Variants in CNTNAP5 observed in about 807,000 individuals in gnomAD.
CNTNAP5 encodes contactin associated protein family member 5, also known as contactin-associated protein-like 5.
CNTNAP5 carries 72 observed loss-of-function variants against 150.2 expected under a neutral mutation model. That is an observed-to-expected ratio of 0.48 (90% confidence interval 0.40 to 0.58). The LOEUF (loss-of-function observed/expected upper bound fraction) is 0.58, where lower values mean the gene tolerates loss of function less well. Among genes scored for constraint, CNTNAP5 ranks in the 20% least tolerant of loss-of-function variants. The pLI, the probability that CNTNAP5 is intolerant of heterozygous loss-of-function variation, is 0.00. For synonymous variants in CNTNAP5, 672 were observed against 619.8 expected (o/e 1.08, Z -1.25); for missense variants, 1,636 against 1,626.2 (o/e 1.01, Z -0.10).
intron 3 of CNTNAP5, among the ~76,000 whole-genome samples, chr2:124,254,964 C>A (rs966901259): frequency 6.6e-6 from 1 of 152,070 alleles, no homozygotes; most frequent in Non-Finnish European, 1.5e-5. Flanking sequence ...CCCATATAAG[C>A]GAACATTTTG....
At position 124,219,360 on chromosome 2, in the gene CNTNAP5, C is replaced by T. The variant is rs1166457152; in HGVS notation, c.83-2345C>T. ...AAATAGTAGCAGAGTTGTATACATG[C>T]TCAGTGTCTAATAAATACATAACTA... is the stretch of plus-strand genomic sequence containing the variant. On this transcript the variant is annotated intron_variant, in intron 1 of 23. Transcript: ENST00000682447. Among the ~76,000 whole-genome samples, 3 of 152,086 alleles carry T rather than the reference C, an allele frequency of 2.0e-5. No homozygotes were observed. The South Asian group carries it at 6.2e-4, about 31-fold the overall frequency.
Position 124,516,672 on chromosome 2 carries a change from G to A in CNTNAP5, c.1328-7631G>A, listed in dbSNP as rs561703408. Among the ~76,000 whole-genome samples, 64 of 152,254 alleles carry A rather than the reference G, an allele frequency of 4.2e-4. No homozygotes were observed. In the Middle Eastern group the frequency reaches 0.014, roughly 32 times the overall value. ...TTGTGTGTGGCTGTCATGGCCTAGG[G>A]TAGTCACAGCTGACACTTAAGGGCC... On this transcript the variant is annotated intron_variant, in intron 8 of 23. Coordinates refer to ENST00000682447, the MANE Select transcript of CNTNAP5 (RefSeq NM_001367498.1).
At chr2:124,631,576 G>C (rs935232989) in intron 12 of CNTNAP5, among the ~76,000 whole-genome samples, 2 of 152,072 alleles carry the variant, frequency 1.3e-5, no homozygotes, top group African/African-American at 4.8e-5. Context: ...ATCAACTCAA[G>C]ATGGATTAAA....
At chr2:124,390,903 G>A (rs1220023043) in intron 3 of CNTNAP5, among the ~76,000 whole-genome samples, 2 of 152,190 alleles carry the variant, frequency 1.3e-5, no homozygotes, top group African/African-American at 4.8e-5. Flanking sequence ...GACTGGAATT[G>A]AGAAATTTCT....
At chr2:124,859,592 A>G (rs1177603687) in intron 19 of CNTNAP5, among the ~76,000 whole-genome samples, 1 of 152,236 alleles carries the variant, frequency 6.6e-6, no homozygotes, top group African/African-American at 2.4e-5. Flanking sequence ...TCATGCTGCT[A>G]TAAAGACACA....
chr2:124,062,757 G>T (rs564988152), intron 1 of CNTNAP5, among the ~76,000 whole-genome samples: 1 of 152,126 alleles, frequency 6.6e-6, no homozygotes, highest in Non-Finnish European at 1.5e-5. Flanking sequence ...ATCAGTCGAG[G>T]CCGTGAAGCA....
At chr2:124,721,538 AAG>A (rs1322996333) in intron 13 of CNTNAP5, among the ~76,000 whole-genome samples, 1 of 138,340 alleles carries the variant, frequency 7.2e-6, no homozygotes, top group Non-Finnish European at 1.6e-5. Flanking sequence ...AAAAACAAAA[AAG>A]AAAAAAAATT....
chr2:124,033,184 T>A (rs1440971247), intron 1 of CNTNAP5, among the ~76,000 whole-genome samples: 9 of 152,290 alleles, frequency 5.9e-5, no homozygotes, highest in African/African-American at 2.2e-4. Context: ...GTTCACAGGA[T>A]CAGCTGAATT....
At position 124,128,935 on chromosome 2, in the gene CNTNAP5, T is replaced by C. The variant is rs535476078; in HGVS notation, c.83-92770T>C. Among the ~76,000 whole-genome samples, 4 of 152,170 alleles carry C rather than the reference T, an allele frequency of 2.6e-5. No homozygotes were observed. The South Asian group carries it at 8.3e-4, about 32-fold the overall frequency. On this transcript the variant is annotated intron_variant, in intron 1 of 23. Transcript: ENST00000682447. ...ATGGGGTATGGGGAGGGGAGAGGGATAGCACTAGGAGATAAACCTAATGTA... is the reference window on the plus strand; with the variant it reads ...ATGGGGTATGGGGAGGGGAGAGGGACAGCACTAGGAGATAAACCTAATGTA...
At chr2:124,257,726 T>C (rs1191367182) in intron 3 of CNTNAP5, among the ~76,000 whole-genome samples, 1 of 151,216 alleles carries the variant, frequency 6.6e-6, no homozygotes, top group African/African-American at 2.4e-5. Flanking sequence ...TCCACCCCCC[T>C]CCGCCCCCAC....
chr2:124,781,141 T>G (rs1189309887), intron 17 of CNTNAP5, among the ~76,000 whole-genome samples: 1 of 152,184 alleles, frequency 6.6e-6, no homozygotes, highest in Non-Finnish European at 1.5e-5. Context: ...CCTTCCATAA[T>G]TCACTGAGCA....
At chr2:124,369,919 G>A (rs2104725413) in intron 3 of CNTNAP5, among the ~76,000 whole-genome samples, 1 of 152,194 alleles carries the variant, frequency 6.6e-6, no homozygotes, top group African/African-American at 2.4e-5. Context: ...GTGTGGTCAT[G>A]GAGCAGTTTC....
chr2:124,723,812 G>T (rs967617884), intron 13 of CNTNAP5, among the ~76,000 whole-genome samples: 1 of 151,930 alleles, frequency 6.6e-6, no homozygotes, highest in African/African-American at 2.4e-5. Flanking sequence ...ATTTGAACCC[G>T]CCCAAACAGC....
Position 124,783,741 on chromosome 2 carries a change from T to C in CNTNAP5, c.2753-6161T>C, listed in dbSNP as rs561500381. 3.3e-5 allele frequency among the ~76,000 whole-genome samples: 5 copies of C among 152,302 alleles called. No homozygotes were observed. The South Asian group carries it at 1.0e-3, about 32-fold the overall frequency. ...AATGAAGCATGTAGAAGGTTTGATA[T>C]TAAATAAATTCTTCGTTCTGATCAC... On this transcript the variant is annotated intron_variant, in intron 17 of 23. Coordinates refer to ENST00000682447, the MANE Select transcript of CNTNAP5 (RefSeq NM_001367498.1).
At chr2:124,722,620 C>T (rs1680071026) in intron 13 of CNTNAP5, among the ~76,000 whole-genome samples, 1 of 152,124 alleles carries the variant, frequency 6.6e-6, no homozygotes, top group Admixed American at 6.5e-5. Context: ...GGCAGCATTA[C>T]CTCCTGAGTT....
At chr2:124,573,888 A>G (rs1003184056) in intron 11 of CNTNAP5, among the ~76,000 whole-genome samples, 1 of 152,202 alleles carries the variant, frequency 6.6e-6, no homozygotes, top group African/African-American at 2.4e-5. Flanking sequence ...CACAATTGTT[A>G]TGTGGATTAA....
chr2:124,819,035 C>T (rs1386322534), intron 19 of CNTNAP5, among the ~76,000 whole-genome samples: 2 of 152,088 alleles, frequency 1.3e-5, no homozygotes, highest in African/African-American at 4.8e-5. Context: ...CTTTCCCTGA[C>T]CACAGGCTGC....
At chr2:124,769,308 T>A (rs914308459) in intron 16 of CNTNAP5, among the ~76,000 whole-genome samples, 1 of 152,220 alleles carries the variant, frequency 6.6e-6, no homozygotes, top group South Asian at 2.1e-4. Flanking sequence ...TTTATCAGTC[T>A]TCTCAAAAGT....
chr2:124,302,952 TC>T (rs774433137), intron 3 of CNTNAP5, among the ~76,000 whole-genome samples: 8 of 152,216 alleles, frequency 5.3e-5, no homozygotes, highest in Non-Finnish European at 1.2e-4. Context: ...AGGAATTAAA[TC>T]CTTTGTTGCT....
Sources: allele counts gnomAD v4.1 joint callset (sites outside exome capture counted in the v4.1 genomes callset), GRCh38; gene constraint gnomAD v4.1.1; transcripts MANE v1.5; gene names NCBI Gene and HGNC (gene_info 2026-07-23, HGNC 2026-07-21).